Variants in GRM8 observed in about 807,000 individuals in gnomAD.
The protein encoded by GRM8 is glutamate metabotropic receptor 8, also known as metabotropic glutamate receptor 8.
GRM8 carries 47 observed loss-of-function variants against 87.2 expected under a neutral mutation model. The observed-to-expected ratio is 0.54, with a 90% CI of 0.43 to 0.69. The LOEUF (loss-of-function observed/expected upper bound fraction) is 0.69. GRM8 is among the 30% of genes least tolerant of loss of function. The probability of loss-of-function intolerance (pLI) is 0.00; values close to 1 mark genes in which losing one functional copy is unlikely to be tolerated. For synonymous variants in GRM8, 396 were observed against 404.5 expected (o/e 0.98, Z 0.25); for missense variants, 1,019 against 1,139.2 (o/e 0.89, Z 1.52).
At chr7:126,449,357 G>A (rs1478050951) in intron 9 of GRM8, among the ~76,000 whole-genome samples, 1 of 151,576 alleles carries the variant, frequency 6.6e-6, no homozygotes, top group Non-Finnish European at 1.5e-5. Flanking sequence ...TGGGGTTGGG[G>A]GTAATACTTT....
chr7:126,992,457 T>C (rs1341058784), intron 3 of GRM8, among the ~76,000 whole-genome samples: 4 of 152,164 alleles, frequency 2.6e-5, no homozygotes, highest in Admixed American at 1.3e-4. Flanking sequence ...TGTATTTCTA[T>C]ATATTAACAA....
At chr7:126,592,976 A>T (rs981101606) in intron 8 of GRM8, among the ~76,000 whole-genome samples, 1 of 152,132 alleles carries the variant, frequency 6.6e-6, no homozygotes, top group African/African-American at 2.4e-5. Flanking sequence ...AAAATCAGAG[A>T]ACAATCTGAA....
At chr7:126,817,027 A>G (rs1355221751) in intron 6 of GRM8, among the ~76,000 whole-genome samples, 2 of 152,060 alleles carry the variant, frequency 1.3e-5, no homozygotes, top group Admixed American at 6.6e-5. Context: ...TCCTTTAAAA[A>G]TCCTTAATAT....
chr7:126,772,982 T>C (rs1819010711), intron 6 of GRM8, among the ~76,000 whole-genome samples: 1 of 152,010 alleles, frequency 6.6e-6, no homozygotes, highest in Admixed American at 6.6e-5. Context: ...GATGGCCCAA[T>C]AAGCAGGAAT....
In GRM8 at chr7:126,685,325, GC is replaced by G. The variant is rs755487078; in HGVS notation, c.1358-75828del. On this transcript the variant is annotated intron_variant, in intron 7 of 10. Transcript: ENST00000339582. The surrounding 1 kb of genome is among the most constrained non-coding windows in gnomAD (Gnocchi z 4.2). ...GACCAGAGAGGGGACTCGAGGCGGA[GC>G]CGGGCCTGGGGTGGTACCATGCTTC... 2.0e-5 allele frequency among the ~76,000 whole-genome samples: 3 copies of G among 152,154 alleles called. No individual in the cohort carries two copies. Among genetic ancestry groups the G allele is most frequent in the Non-Finnish European group, 2.9e-5 (2 of 68,008 alleles).
chr7:126,705,163 G>A (rs1480600838), intron 7 of GRM8, among the ~76,000 whole-genome samples: 2 of 152,168 alleles, frequency 1.3e-5, no homozygotes, highest in African/African-American at 2.4e-5. Flanking sequence ...GACTATCGGG[G>A]GCAGGTTCCC....
At chr7:127,072,893 T>C (rs1381884893) in intron 3 of GRM8, among the ~76,000 whole-genome samples, 2 of 152,142 alleles carry the variant, frequency 1.3e-5, no homozygotes, top group Non-Finnish European at 2.9e-5. Flanking sequence ...TTTTTTTTAT[T>C]TTGACAAGGC....
chr7:126,560,716 T>C (rs1056591581), intron 8 of GRM8, among the ~76,000 whole-genome samples: 3 of 152,208 alleles, frequency 2.0e-5, no homozygotes, highest in Admixed American at 1.3e-4. Context: ...TTTGAAGTAC[T>C]AGCATTCCAA....
chr7:126,598,038 T>G (rs1249704853), intron 8 of GRM8, among the ~76,000 whole-genome samples: 1 of 152,026 alleles, frequency 6.6e-6, no homozygotes, highest in African/African-American at 2.4e-5. Context: ...GACTATATTT[T>G]TGTACCCACT....
chr7:126,713,468 A>G (rs1405544584), intron 7 of GRM8, among the ~76,000 whole-genome samples: 2 of 152,168 alleles, frequency 1.3e-5, no homozygotes, highest in Admixed American at 6.6e-5. Flanking sequence ...AAGGGGAGGG[A>G]GAGCATTAGG....
At chr7:126,764,834 T>G (rs1168890044) in intron 7 of GRM8, among the ~76,000 whole-genome samples, 1 of 152,066 alleles carries the variant, frequency 6.6e-6, no homozygotes, top group African/African-American at 2.4e-5. Flanking sequence ...AGATCCTTCC[T>G]GATTCCTGTC....
At chr7:126,556,140 T>C (rs980977162) in intron 8 of GRM8, among the ~76,000 whole-genome samples, 9 of 152,078 alleles carry the variant, frequency 5.9e-5, no homozygotes, top group Non-Finnish European at 8.8e-5. Flanking sequence ...AGAGACAAAA[T>C]ACTTCGTATC....
At chr7:126,546,916 C>G (rs976148713) in intron 8 of GRM8, among the ~76,000 whole-genome samples, 2 of 152,122 alleles carry the variant, frequency 1.3e-5, no homozygotes, top group Non-Finnish European at 2.9e-5. Context: ...ATGCAAGGCA[C>G]CTGGCACAGT....
chr7:127,189,932 AAT>A (rs1488358413), intron 2 of GRM8, among the ~76,000 whole-genome samples: 7 of 152,362 alleles, frequency 4.6e-5, no homozygotes, highest in African/African-American at 1.7e-4. Context: ...CTACTTCCAT[AAT>A]AGTACTGCAT....
chr7:127,100,716 AG>A (rs1825157933), intron 3 of GRM8, among the ~76,000 whole-genome samples: 2 of 152,180 alleles, frequency 1.3e-5, no homozygotes, highest in South Asian at 4.1e-4. Context: ...CATTACCATG[AG>A]AACAGTATGA....
chr7:126,496,280 G>A (rs912442536), intron 9 of GRM8, among the ~76,000 whole-genome samples: 1 of 151,938 alleles, frequency 6.6e-6, no homozygotes, highest in Non-Finnish European at 1.5e-5. Context: ...AAGGAGGTAG[G>A]AGGGAAGGAA....
intron 3 of GRM8, among the ~76,000 whole-genome samples, chr7:126,974,719 G>T (rs917274451): frequency 1.3e-5 from 2 of 152,036 alleles, no homozygotes; most frequent in Non-Finnish European, 2.9e-5. Context: ...AGATCACGAG[G>T]TCAGGAGATT....
chr7:126,900,557 C>G (rs1240058182), intron 6 of GRM8, among the ~76,000 whole-genome samples: 1 of 152,126 alleles, frequency 6.6e-6, no homozygotes, highest in Non-Finnish European at 1.5e-5. Flanking sequence ...GTCGCCCAGG[C>G]TGGGTGCAGT....
intron 9 of GRM8, among the ~76,000 whole-genome samples, chr7:126,470,988 T>A (rs1454075092): frequency 6.6e-6 from 1 of 152,242 alleles, no homozygotes; most frequent in African/African-American, 2.4e-5. Context: ...ATAAATGTCT[T>A]CTTTTGAGAA....
Sources: gnomAD v4.1 joint callset for allele counts (sites outside exome capture counted in the v4.1 genomes callset) on GRCh38, gnomAD v4.1.1 for gene constraint, Gnocchi (gnomAD v3.1) non-coding constraint, MANE v1.5 for transcripts, NCBI Gene and HGNC (gene_info 2026-07-23, HGNC 2026-07-21) for gene names.